The following NUP205 variants were observed in gnomAD, a reference collection of about 807,000 sequenced individuals.
NUP205 encodes nucleoporin 205, also known as nuclear pore complex protein Nup205.
NUP205 carries 76 observed loss-of-function variants against 253.8 expected under a neutral mutation model. That is an observed-to-expected ratio of 0.30 (90% CI 0.25 to 0.36). The LOEUF is 0.36. Among genes scored for constraint, NUP205 ranks in the 10% least tolerant of loss-of-function variants. The pLI is 1.00. For missense variants in NUP205, 2,162 were observed against 2,425.5 expected (o/e 0.89, Z 2.28); for synonymous variants, 832 against 850.1 (o/e 0.98, Z 0.37).
At chr7:135,583,100 A>G (rs1038152299) in intron 7 of NUP205, among the ~76,000 whole-genome samples, 2 of 152,130 alleles carry the variant, frequency 1.3e-5, no homozygotes, top group African/African-American at 4.8e-5. Context: ...GAAATAAATA[A>G]TAAATAAATA....
intron 31 of NUP205, among the ~76,000 whole-genome samples, chr7:135,624,265 G>C (rs892502408): frequency 1.3e-5 from 2 of 150,916 alleles, no homozygotes; most frequent in Non-Finnish European, 3.0e-5. Flanking sequence ...GCAGTGGCAT[G>C]ATCTCGGCTC....
chr7:135,566,884 C>T (rs1487198190), intron 1 of NUP205, among the ~76,000 whole-genome samples: 5 of 151,590 alleles, frequency 3.3e-5, no homozygotes, highest in Non-Finnish European at 4.4e-5. Flanking sequence ...ACTACAGGTG[C>T]GCACCACCAT....
At chr7:135,604,581 G>T in intron 19 of NUP205, 121 bp downstream of exon 19, 1 of 938,584 alleles carries the variant, frequency 1.1e-6, no homozygotes, top group Non-Finnish European at 1.6e-6. Context: ...TTAAGAGTAA[G>T]TATATTTGTA....
chr7:135,614,575 T>A (rs1373711714), intron 23 of NUP205, among the ~76,000 whole-genome samples: 9 of 152,196 alleles, frequency 5.9e-5, no homozygotes, highest in African/African-American at 1.9e-4. Context: ...TGAAAATTGT[T>A]TTACGAAGAT....
chr7:135,580,743 G>A (rs1179770606), intron 7 of NUP205, among the ~76,000 whole-genome samples: 9 of 152,080 alleles, frequency 5.9e-5, no homozygotes, highest in Admixed American at 2.6e-4. Flanking sequence ...GATTACAGGC[G>A]CGAGCCACCA....
Position 135,648,385 on chromosome 7 carries a change from T to A in NUP205, c.5887-19T>A, listed in dbSNP as rs894601342. ...TTGAGACAACAATTTTAACAAAATG[T>A]CTTTTGTGTCACCGCTAGCTTCAGG... On this transcript the variant is annotated intron_variant, in intron 42 of 42. Transcript: ENST00000285968. 6.5e-6 allele frequency: 10 copies of A among 1,531,408 alleles called. No individual in the cohort carries two copies. The highest frequency in any genetic ancestry group is 8.7e-6 in the Non-Finnish European group (10 of 1,145,374). 94.9% of individuals were successfully genotyped at this position (1,531,408 alleles called of 1,614,324 possible).
At chr7:135,593,313 T>C (rs1045711481) in intron 12 of NUP205, 121 bp downstream of exon 12, 1 of 861,606 alleles carries the variant, frequency 1.2e-6, no homozygotes, top group Non-Finnish European at 1.8e-6. Context: ...TAGACAGATA[T>C]ATAGCATTCT....
intron 11 of NUP205, among the ~76,000 whole-genome samples, chr7:135,592,173 C>T (rs951719214): frequency 5.3e-5 from 8 of 152,192 alleles, no homozygotes; most frequent in Admixed American, 6.5e-5. Flanking sequence ...GAGCTGAAAT[C>T]GGCTTGGCTC....
chr7:135,578,311 A>G (rs1202856041), intron 6 of NUP205, among the ~76,000 whole-genome samples: 1 of 152,230 alleles, frequency 6.6e-6, no homozygotes, highest in Non-Finnish European at 1.5e-5. Context: ...TTGTTTCTTT[A>G]CCATTCATTT....
chr7:135,593,711 T>C (rs7778509), intron 12 of NUP205, among the ~76,000 whole-genome samples: 149,763 of 152,290 alleles, frequency 0.98, 73,680 homozygotes, highest in Middle Eastern at 1. Context: ...GTCTGACATT[T>C]TCTCTGAAGG....
At chr7:135,606,076 C>A in intron 19 of NUP205, 69 bp from the exon 20 acceptor site, 1 of 1,010,906 alleles carries the variant, frequency 9.9e-7, no homozygotes, top group Non-Finnish European at 1.6e-6. Context: ...TTACATATAT[C>A]AATCATAGTT....
At chr7:135,642,967 T>TA (rs1469035555) in intron 38 of NUP205, among the ~76,000 whole-genome samples, 1 of 152,160 alleles carries the variant, frequency 6.6e-6, no homozygotes, top group Non-Finnish European at 1.5e-5. Flanking sequence ...CAGATTTCTT[T>TA]ATTCTCGCAG....
intron 1 of NUP205, among the ~76,000 whole-genome samples, chr7:135,564,626 ACCTTGCTTGGGAGG>A (rs1172957160): frequency 6.6e-6 from 1 of 150,932 alleles, no homozygotes; most frequent in Non-Finnish European, 1.5e-5. Context: ...AGCTCCTTGA[ACCTTGCTTGGGAGG>A]CCTACCTCAG....
At chr7:135,604,274 T>G in intron 18 of NUP205, 66 bp from the exon 19 acceptor site, 5 of 1,434,904 alleles carry the variant, frequency 3.5e-6, no homozygotes, top group Non-Finnish European at 4.7e-6. Context: ...TAAATTTTCT[T>G]TATTGAGAAT....
chr7:135,567,717 G>T (rs1263219188), intron 1 of NUP205, among the ~76,000 whole-genome samples: 1 of 152,024 alleles, frequency 6.6e-6, no homozygotes, highest in African/African-American at 2.4e-5. Context: ...TTATATCCTG[G>T]TAACTTTATT....
chr7:135,613,961 G>A (rs1794297877), intron 22 of NUP205, among the ~76,000 whole-genome samples, 198 bp from the exon 23 acceptor site: 1 of 152,096 alleles, frequency 6.6e-6, no homozygotes, highest in Non-Finnish European at 1.5e-5. Flanking sequence ...TTGTATTTCA[G>A]TGTATTTTCT....
At chr7:135,563,860 G>A (rs1055855700) in intron 1 of NUP205, among the ~76,000 whole-genome samples, 7 of 151,898 alleles carry the variant, frequency 4.6e-5, no homozygotes, top group African/African-American at 1.5e-4. Flanking sequence ...TGGTGCGCGT[G>A]CGCCTGTAAT....
intron 5 of NUP205, among the ~76,000 whole-genome samples, 161 bp downstream of exon 5, chr7:135,577,289 A>T (rs1806178110): frequency 6.6e-6 from 1 of 152,118 alleles, no homozygotes; most frequent in South Asian, 2.1e-4. Context: ...TCATTGACAC[A>T]AAACTGTACA....
In NUP205 at chr7:135,622,421, C is replaced by CA. The variant is rs533849974; in HGVS notation, c.4331-345dup. 2.1e-3 allele frequency among the ~76,000 whole-genome samples: 156 copies of CA among 75,668 alleles called. 1 individual carries two copies. Among genetic ancestry groups the CA allele is most frequent in the South Asian group, 0.017 (43 of 2,534 alleles). The allele number at this position is 75,668 out of a possible 152,430, so 49.6% of individuals were successfully genotyped here. On this transcript the variant is annotated intron_variant, in intron 30 of 42. Transcript: ENST00000285968. ...CTGGAGACAGAGCCAGGCTCTGTCT[C>CA]AAAAAAAAAAAGAAGGAAAAAAAAA...
Sources: allele counts gnomAD v4.1 joint callset (sites outside exome capture counted in the v4.1 genomes callset), GRCh38; gene constraint gnomAD v4.1.1; transcripts MANE v1.5; gene names NCBI Gene and HGNC (gene_info 2026-07-23, HGNC 2026-07-21).